The following POU6F2 variants were observed in gnomAD, a reference collection of about 807,000 sequenced individuals.
POU6F2 encodes the protein POU domain, class 6, transcription factor 2.
A neutral mutation model predicts 71.3 loss-of-function variants in POU6F2; 31 were observed. That is an observed-to-expected ratio of 0.43 (90% confidence interval 0.33 to 0.59). The LOEUF (loss-of-function observed/expected upper bound fraction) is 0.59. POU6F2 is among the 20% of genes least tolerant of loss of function. The pLI is 0.04. For synonymous variants in POU6F2, 347 were observed against 355.7 expected (o/e 0.98, Z 0.27); for missense variants, 783 against 856.8 (o/e 0.91, Z 1.07).
intron 6 of POU6F2, among the ~76,000 whole-genome samples, chr7:39,431,805 T>C (rs1365004091): frequency 1.3e-5 from 2 of 152,186 alleles, no homozygotes; most frequent in Non-Finnish European, 2.9e-5. Context: ...TGTAAGAATA[T>C]AGAATGCAGA....
intron 4 of POU6F2, among the ~76,000 whole-genome samples, chr7:39,241,584 CAT>C (rs1406312231): frequency 6.6e-6 from 1 of 151,958 alleles, no homozygotes; most frequent in Non-Finnish European, 1.5e-5. Flanking sequence ...GAAGTAGAAA[CAT>C]ATATAACATG....
Position 39,164,726 on chromosome 7 carries a change from G to A in POU6F2, c.278-39509G>A, listed in dbSNP as rs544368601. 1.4e-4 allele frequency among the ~76,000 whole-genome samples: 22 copies of A among 152,064 alleles called. No individual in the cohort carries two copies. The South Asian group carries it at 2.3e-3, about 16-fold the overall frequency. On this transcript the variant is annotated intron_variant, in intron 2 of 9. Coordinates refer to ENST00000518318, the MANE Select transcript of POU6F2 (RefSeq NM_001370959.1). The stretch of plus-strand genomic sequence containing the variant: ...GCATGCTGGCCTCACACATGTGAGC[G>A]AAGGAAAGGAATGAAGATGAGAAGG...
intron 5 of POU6F2, among the ~76,000 whole-genome samples, chr7:39,394,591 G>A (rs897451191): frequency 6.6e-6 from 1 of 152,134 alleles, no homozygotes; most frequent in African/African-American, 2.4e-5. Flanking sequence ...GAAGGTTCCT[G>A]AGCTCCATCT....
At chr7:39,082,487 G>C (rs576919293) in intron 1 of POU6F2, among the ~76,000 whole-genome samples, 2 of 152,244 alleles carry the variant, frequency 1.3e-5, no homozygotes, top group South Asian at 4.2e-4. Flanking sequence ...CCGCTGCAGA[G>C]ATCCTTGTAC....
At chr7:39,135,154 A>G (rs898557197) in intron 2 of POU6F2, among the ~76,000 whole-genome samples, 4 of 152,246 alleles carry the variant, frequency 2.6e-5, no homozygotes, top group Admixed American at 2.6e-4. Flanking sequence ...ATATATGCCA[A>G]GATATCTGAA....
At chr7:39,292,089 G>T (rs1201946911) in intron 4 of POU6F2, among the ~76,000 whole-genome samples, 2 of 152,090 alleles carry the variant, frequency 1.3e-5, no homozygotes, top group African/African-American at 4.8e-5. Flanking sequence ...GCCATAAAAT[G>T]GTTTATACAT....
At chr7:39,012,232 C>G (rs1443399013) in intron 1 of POU6F2, among the ~76,000 whole-genome samples, 1 of 151,790 alleles carries the variant, frequency 6.6e-6, no homozygotes. Context: ...TCTTTTTATT[C>G]TTTTTTCTCT....
At chr7:39,319,688 G>A (rs1410090879) in intron 4 of POU6F2, among the ~76,000 whole-genome samples, 3 of 152,130 alleles carry the variant, frequency 2.0e-5, no homozygotes, top group Non-Finnish European at 4.4e-5. Context: ...TAACCAGCCT[G>A]TCTTTTTACC....
intron 1 of POU6F2, among the ~76,000 whole-genome samples, chr7:39,072,887 A>C (rs1426017105): frequency 6.6e-6 from 1 of 152,236 alleles, no homozygotes. Flanking sequence ...TTGTGTGTGC[A>C]CATGCCTAAT....
chr7:39,456,537 A>G (rs1378092244), intron 8 of POU6F2, among the ~76,000 whole-genome samples: 6 of 152,232 alleles, frequency 3.9e-5, no homozygotes, highest in Non-Finnish European at 7.3e-5. Context: ...GCATCTAATG[A>G]ATTCTCCCAA....
intron 2 of POU6F2, among the ~76,000 whole-genome samples, chr7:39,184,668 G>A (rs1013854516): frequency 1.3e-4 from 20 of 152,088 alleles, no homozygotes; most frequent in Non-Finnish European, 2.2e-4. Context: ...GCTTGGGTGG[G>A]GCACTCATGC....
chr7:39,138,848 C>G (rs1259770735), intron 2 of POU6F2, among the ~76,000 whole-genome samples: 1 of 152,160 alleles, frequency 6.6e-6, no homozygotes. Flanking sequence ...CTAATTGGCA[C>G]AGCTCATCTT....
At chr7:39,322,326 G>T (rs1785415031) in intron 4 of POU6F2, among the ~76,000 whole-genome samples, 1 of 152,288 alleles carries the variant, frequency 6.6e-6, no homozygotes, top group East Asian at 1.9e-4. Context: ...CAACGTGTTT[G>T]TTATGCCTGG....
chr7:39,108,437 A>C lies in POU6F2; in HGVS notation c.277+22406A>C, dbSNP rs1274733178. On this transcript the variant is annotated intron_variant, in intron 2 of 9. Transcript: ENST00000518318. The stretch of plus-strand genomic sequence containing the variant: ...CGACCTCAGCTGGACTGCTCATGGC[A>C]ATGGCTCCCACACAGCATCCAGACA... Among the ~76,000 whole-genome samples, 5 of 152,082 alleles carry C rather than the reference A, an allele frequency of 3.3e-5. No homozygotes were observed. The East Asian group carries it at 9.6e-4, about 29-fold the overall frequency.
At chr7:39,378,349 A>G (rs566662747) in intron 5 of POU6F2, among the ~76,000 whole-genome samples, 1 of 152,024 alleles carries the variant, frequency 6.6e-6, no homozygotes, top group Non-Finnish European at 1.5e-5. Flanking sequence ...CCTCCTTCCC[A>G]TCCTTCCTTA....
chr7:39,256,482 A>G lies in POU6F2; in HGVS notation c.598+48862A>G, dbSNP rs116464812. ...TTAAACTCCCTCTTCATGCAATAGG[A>G]AGAAAAATGCTCCCTCACCAAAGAT... On this transcript the variant is annotated intron_variant, in intron 4 of 9. Transcript: ENST00000518318. Among the ~76,000 whole-genome samples, 126 of 152,304 alleles carry G rather than the reference A, an allele frequency of 8.3e-4. 2 individuals carry two copies. The highest frequency in any genetic ancestry group is 2.9e-3 in the African/African-American group (121 of 41,558).
chr7:39,156,918 C>T (rs1792882533), intron 2 of POU6F2, among the ~76,000 whole-genome samples: 1 of 152,152 alleles, frequency 6.6e-6, no homozygotes, highest in African/African-American at 2.4e-5. Context: ...TGTCACTTGG[C>T]CTGGCAGGAC....
chr7:39,464,125 G>C lies in POU6F2; in HGVS notation c.1659-57G>C. 6.4e-7 allele frequency: 1 copy of C among 1,555,810 alleles called. No homozygotes were observed. The highest frequency in any genetic ancestry group is 8.7e-7 in the Non-Finnish European group (1 of 1,147,312). On this transcript the variant is annotated intron_variant, in intron 9 of 9. Transcript: ENST00000518318. This position sits in a 1 kb window ranked among gnomAD's most constrained non-coding sequence, Gnocchi z 4.1. ...AGGCAGTCAGGCAGGCAGGCAGGAG[G>C]CCCACCCTGGCAGAGGACTCAGTGT...
At chr7:39,349,761 G>A (rs1786105413) in intron 5 of POU6F2, among the ~76,000 whole-genome samples, 1 of 152,140 alleles carries the variant, frequency 6.6e-6, no homozygotes, top group Non-Finnish European at 1.5e-5. Context: ...AGAATCACTG[G>A]TGTTTTCTTT....
Sources: allele counts gnomAD v4.1 joint callset (sites outside exome capture counted in the v4.1 genomes callset), GRCh38; gene constraint gnomAD v4.1.1; non-coding constraint Gnocchi (gnomAD v3.1); transcripts MANE v1.5; gene names NCBI Gene and HGNC (gene_info 2026-07-23, HGNC 2026-07-21).